The following TMEM63A variants were observed in gnomAD, a reference collection of about 807,000 sequenced individuals.
TMEM63A encodes the protein transmembrane protein 63A.
In TMEM63A, 76 loss-of-function variants were observed where a neutral mutation model predicts 100.6. That is an observed-to-expected ratio of 0.76 (90% CI 0.63 to 0.91). TMEM63A has a LOEUF of 0.91. TMEM63A is among the 40% of genes least tolerant of loss of function. The pLI, the probability that TMEM63A is intolerant of heterozygous loss-of-function variation, is 0.00. For missense variants in TMEM63A, 876 were observed against 1,008.8 expected (o/e 0.87, Z 1.78); for synonymous variants, 401 against 401.1 (o/e 1.00, Z 0.00).
rs751388090 is a variant in TMEM63A, at chr1:225,853,719, G to A, written c.1707C>T (p.Gly569=). 1 of 1,601,368 alleles carries A rather than the reference G, an allele frequency of 6.2e-7. No individual in the cohort carries two copies. The highest frequency in any genetic ancestry group is 1.3e-5 in the African/African-American group (1 of 74,888). The change falls in exon 19 of 25, where the codon GGC becomes GGT. Residue 569 remains glycine, a synonymous_variant. Transcript: ENST00000366835. The surrounding 1 kb of genome is among the most constrained non-coding windows in gnomAD (Gnocchi z 4.0). ...YVIASAFIGN[G]MELLRLPGLI... Reference sequence around the variant, plus strand: ...GACCTGGCAGCCGCAGCAGCTCCATGCCATTGCCGATGAAGGCCGAGGCGA... The same window carrying A: ...GACCTGGCAGCCGCAGCAGCTCCATACCATTGCCGATGAAGGCCGAGGCGA...
Position 225,853,743 on chromosome 1 carries a change from G to T in TMEM63A, c.1683C>A (p.Ile561=). 1 of 1,606,942 alleles carries T rather than the reference G, an allele frequency of 6.2e-7. No individual in the cohort carries two copies. Among genetic ancestry groups the T allele is most frequent in the Non-Finnish European group, 8.5e-7 (1 of 1,176,768 alleles). The change falls in exon 19 of 25, where the codon ATC becomes ATA. Residue 561 remains isoleucine, a synonymous_variant. Transcript: ENST00000366835. This position sits in a 1 kb window ranked among gnomAD's most constrained non-coding sequence, Gnocchi z 4.0. ...DQGAFFVNYV[I]ASAFIGNGME... ...TGCCATTGCCGATGAAGGCCGAGGC[G>T]ATGACATAGTTCACAAAGAAGGCAC... is the stretch of plus-strand genomic sequence containing the variant.
At chr1:225,844,531 C>T (rs1246759650), downstream of TMEM63A, 1 of 1,614,180 alleles carries the variant, frequency 6.2e-7, no homozygotes, top group South Asian at 1.1e-5. Context: ...TGACCAACGT[C>T]ATGCTCTACT....
rs373127251 is a variant in TMEM63A at position 225,877,505 on chromosome 1, G to A, written c.76C>T (p.Arg26Trp). The A allele has an allele frequency of 2.0e-5, 32 of 1,614,040 alleles. No homozygotes were observed. The highest frequency in any genetic ancestry group is 1.7e-4 in the Admixed American group (10 of 59,998). The change falls in exon 3 of 25, where the codon CGG becomes TGG. Residue 26 changes from arginine to tryptophan, a missense_variant. Around this residue, in one of 5 missense-constraint regions of TMEM63A, gnomAD observed 43 missense variants for 48.9 expected, o/e 0.88. Transcript: ENST00000366835. Reference sequence around the variant, plus strand: ...TTGTAGCAATAGGAGTCGTTGGGCCGGTCCCCGAGTCCCAGCTGCTCCCTG... The same window carrying A: ...TTGTAGCAATAGGAGTCGTTGGGCCAGTCCCCGAGTCCCAGCTGCTCCCTG... The part of the protein sequence containing the change: ...SIREQLGLGD[R>W]PNDSYCYNSA...
At chr1:225,844,514 G>A (rs779600683), downstream of TMEM63A, 17 of 1,614,126 alleles carry the variant, frequency 1.1e-5, no homozygotes, top group South Asian at 9.9e-5. Flanking sequence ...CTCCCTGGAC[G>A]ACCTGCTGAC....
rs536442363 is a variant in TMEM63A, at chr1:225,859,132, C to T, written c.1377+64G>A. 2.5e-6 allele frequency: 4 copies of T among 1,608,706 alleles called. No homozygotes were observed. In the South Asian group the frequency reaches 4.4e-5, roughly 18 times the overall value. On this transcript the variant is annotated intron_variant, in intron 15 of 24. Transcript: ENST00000366835. ...ACCCCACTCCTGTCCCCACTCCTTC[C>T]CCACCCACCAAGCCCTCTTCTCACC...
chr1:225,848,974 G>A lies in TMEM63A; in HGVS notation c.2110C>T (p.Leu704=). ...AGGCAGACCAGGATGGTGAGCAGCA[G>A]CACCAGGAAGGTGAACAGAGTGGCG... ...APATLFTFLV[L]LLTILVCLAH... The change falls in exon 22 of 25, where the codon CTG becomes TTG. Residue 704 remains leucine, a synonymous_variant. Transcript: ENST00000366835. 7.0e-7 allele frequency: 1 copy of A among 1,426,564 alleles called. No homozygotes were observed. Among genetic ancestry groups the A allele is most frequent in the East Asian group, 3.6e-5 (1 of 28,076 alleles). The allele number at this position is 1,426,564 out of a possible 1,614,324, so 88.4% of individuals were successfully genotyped here.
chr1:225,858,447 CCTGA>C (rs908998081), intron 15 of TMEM63A, among the ~76,000 whole-genome samples: 17 of 151,486 alleles, frequency 1.1e-4, no homozygotes, highest in Non-Finnish European at 2.4e-4. Flanking sequence ...GCCTCAGCCT[CCTGA>C]CTATCTGGGA....
chr1:225,853,923 G>A lies in TMEM63A; in HGVS notation c.1635-132C>T, dbSNP rs898457310. The stretch of plus-strand genomic sequence containing the variant: ...TCTTCCGTTCATTCAGCACATATTT[G>A]GGAAACACATCTGTGTGCCAAGCAC... On this transcript the variant is annotated intron_variant, in intron 18 of 24. Transcript: ENST00000366835. This position sits in a 1 kb window ranked among gnomAD's most constrained non-coding sequence, Gnocchi z 4.0. 3.4e-6 allele frequency: 3 copies of A among 886,164 alleles called. No homozygotes were observed. 54.9% of individuals were successfully genotyped at this position (886,164 alleles called of 1,614,324 possible). A position where few individuals can be genotyped will look rare whatever the true frequency, so the allele number is the denominator to read the frequency against.
intron 1 of TMEM63A, among the ~76,000 whole-genome samples, chr1:225,881,272 TGCCTTGGCTTCCTTC>T (rs1671075039): frequency 6.6e-6 from 1 of 152,224 alleles, no homozygotes; most frequent in Non-Finnish European, 1.5e-5. Flanking sequence ...AACCACTCTG[TGCCTTGGCTTCCTTC>T]GCCAGGAAAT....
At chr1:225,845,097 G>C (rs768826162), downstream of TMEM63A, 3 of 1,602,752 alleles carry the variant, frequency 1.9e-6, no homozygotes, top group Non-Finnish European at 2.6e-6. Context: ...GCAGGACGGA[G>C]GGGCGCAGGG....
Position 225,853,520 on chromosome 1 carries a change from G to A in TMEM63A, c.1797+109C>T. ...CAGTGCCTGCACTAGTGGGTAGTCA[G>A]GTAAATGCTACCCACTAGTGGGGGT... On this transcript the variant is annotated intron_variant, in intron 19 of 24. Coordinates refer to ENST00000366835, the MANE Select transcript of TMEM63A (RefSeq NM_014698.3). The surrounding 1 kb of genome is among the most constrained non-coding windows in gnomAD (Gnocchi z 4.0). 8.5e-7 allele frequency: 1 copy of A among 1,170,332 alleles called. No individual in the cohort carries two copies. The highest frequency in any genetic ancestry group is 1.2e-6 in the Non-Finnish European group (1 of 858,876). 72.5% of individuals were successfully genotyped at this position (1,170,332 alleles called of 1,614,324 possible). A position where few individuals can be genotyped will look rare whatever the true frequency, so the allele number is the denominator to read the frequency against.
chr1:225,854,393 G>T (rs964372231), intron 18 of TMEM63A, among the ~76,000 whole-genome samples: 5 of 152,214 alleles, frequency 3.3e-5, no homozygotes, highest in Admixed American at 3.3e-4. Context: ...TCCCCATGTG[G>T]GATGAGGGCG....
At chr1:225,852,571 A>T in intron 20 of TMEM63A, 93 bp downstream of exon 20, 1 of 1,235,496 alleles carries the variant, frequency 8.1e-7, no homozygotes. Flanking sequence ...TGGGAACTCC[A>T]TTGTGCCCTG....
At chr1:225,863,044 G>A (rs1576092959) in intron 10 of TMEM63A, 193 bp from the exon 11 acceptor site, 1 of 610,302 alleles carries the variant, frequency 1.6e-6, no homozygotes, top group East Asian at 2.8e-5. Context: ...AATACAAAGA[G>A]GGCTTTTGTT....
At chr1:225,856,501 C>T (rs1431177708) in intron 17 of TMEM63A, 151 bp downstream of exon 17, 3 of 683,466 alleles carry the variant, frequency 4.4e-6, no homozygotes, top group South Asian at 3.7e-5. Context: ...GAATCAATGA[C>T]CCAGCCCTAC....
At chr1:225,857,376 C>CGGGGTGGGGGGGG (rs1213111924) in intron 15 of TMEM63A, among the ~76,000 whole-genome samples, 2 of 3,266 alleles carry the variant, frequency 6.1e-4, no homozygotes, top group African/African-American at 1.2e-3. Context: ...GAGTCCTGGC[C>CGGGGTGGGGGGGG]GGCGGGGCGG....
intron 2 of TMEM63A, among the ~76,000 whole-genome samples, chr1:225,878,881 TACCTACACACACACAC>T (rs1455986137): frequency 1.1e-5 from 1 of 89,002 alleles, no homozygotes; most frequent in African/African-American, 4.9e-5. Context: ...CCTACCTACC[TACCTACACACACACAC>T]ACACACACAC....
Position 225,848,210 on chromosome 1 carries a change from C to A in TMEM63A, c.2250+282G>T, listed in dbSNP as rs575377921. 7.0e-4 allele frequency: 318 copies of A among 457,228 alleles called. 3 individuals are homozygous for A. In the South Asian group the frequency reaches 0.01, roughly 15 times the overall value. The allele number at this position is 457,228 out of a possible 1,614,324, so 28.3% of individuals were successfully genotyped here. Reference sequence around the variant, plus strand: ...GCCTTCACTAAAGCCCCAAACTCACCAGGCATTAAATATGCAGAGAAGGAA... The same window carrying A: ...GCCTTCACTAAAGCCCCAAACTCACAAGGCATTAAATATGCAGAGAAGGAA... On this transcript the variant is annotated intron_variant, in intron 23 of 24. Coordinates refer to ENST00000366835, the MANE Select transcript of TMEM63A (RefSeq NM_014698.3).
rs1669170955 is a variant in TMEM63A at position 225,848,889 on chromosome 1, G to A, written c.2187+8C>T. On this transcript the variant is annotated splice_region_variant and intron_variant, in intron 22 of 24. Transcript: ENST00000366835. ...GCTTGACCGGGCAGTGGGGTCGGGG[G>A]CCTTTACTTTGTAGTTCAGAGGGCT... 1.3e-6 allele frequency: 2 copies of A among 1,573,296 alleles called. No homozygotes were observed. Among genetic ancestry groups the A allele is most frequent in the Admixed American group, 1.9e-5 (1 of 52,490 alleles).
Sources: gnomAD v4.1 joint callset for allele counts (sites outside exome capture counted in the v4.1 genomes callset) on GRCh38, gnomAD v4.1.1 for gene constraint, gnomAD v4.1.1 regional missense constraint, Gnocchi (gnomAD v3.1) non-coding constraint, MANE v1.5 for transcripts, NCBI Gene and HGNC (gene_info 2026-07-23, HGNC 2026-07-21) for gene names.